The following PITX3 variants were observed in gnomAD, a reference collection of about 807,000 sequenced individuals.
PITX3 encodes paired like homeodomain 3, also known as pituitary homeobox 3.
A neutral mutation model predicts 14.2 loss-of-function variants in PITX3; 4 were observed. The observed-to-expected ratio is 0.28, with a 90% CI of 0.14 to 0.65. PITX3 has a LOEUF of 0.65. Among genes scored for constraint, PITX3 ranks in the 30% least tolerant of loss-of-function variants. PITX3 has a pLI of 0.82. For synonymous variants in PITX3, 194 were observed against 204.5 expected, an observed-to-expected ratio of 0.95 and a Z score of 0.44; for missense variants, 358 against 426.8, an observed-to-expected ratio of 0.84 and a Z score of 1.42.
intron 1 of PITX3, among the ~76,000 whole-genome samples, chr10:102,232,362 G>A (rs1386834219): frequency 6.6e-6 from 1 of 152,106 alleles, no homozygotes; most frequent in African/African-American, 2.4e-5. Context: ...ATACAGTTGG[G>A]GTTCAATATT....
chr10:102,237,900 T>C (rs2070441992), intron 1 of PITX3, among the ~76,000 whole-genome samples: 1 of 151,202 alleles, frequency 6.6e-6, no homozygotes, highest in South Asian at 2.1e-4. Context: ...CACCCCACTA[T>C]GAGAAGCAAT....
At chr10:102,238,996 C>T (rs192094807) in intron 1 of PITX3, among the ~76,000 whole-genome samples, 1 of 152,226 alleles carries the variant, frequency 6.6e-6, no homozygotes, top group Non-Finnish European at 1.5e-5. Flanking sequence ...GCTTGCATCA[C>T]TCCAGTTCTA....
Position 102,230,612 on chromosome 10 carries a change from C to T in PITX3, c.811G>A (p.Ala271Thr). ...TAGCTGAAGGAGGCGTGCTGTTTGGCTTTGAGCCGCAGGCTGGCCAGGCTC... is the reference window on the plus strand; with the variant it reads ...TAGCTGAAGGAGGCGTGCTGTTTGGTTTTGAGCCGCAGGCTGGCCAGGCTC... ...NSSLASLRLK[A>T]KQHASFSYPA... The change falls in exon 4 of 4, where the codon GCC becomes ACC. Residue 271 changes from alanine to threonine, a missense_variant. Transcript: ENST00000370002. 1 of 1,610,362 alleles carries T rather than the reference C, an allele frequency of 6.2e-7. No homozygotes were observed. Among genetic ancestry groups the T allele is most frequent in the South Asian group, 1.1e-5 (1 of 90,268 alleles).
Position 102,230,775 on chromosome 10 carries a change from C to T in PITX3, c.648G>A (p.Gln216=), listed in dbSNP as rs768745657. The stretch of plus-strand genomic sequence containing the variant: ...GCCCGGGGGGGCCCCCGCCCAGGCC[C>T]TGCAGGGCCCCAGGCCCTGGCACGG... ...PGTVPGPGAL[Q]GLGGGPPGLA... is the part of the protein sequence containing the mutation. The change falls in exon 4 of 4, where the codon CAG becomes CAA. Residue 216 remains glutamine, a synonymous_variant. Transcript: ENST00000370002. The T allele has an allele frequency of 2.0e-6, 3 of 1,536,314 alleles. No individual in the cohort carries two copies. Among genetic ancestry groups the T allele is most frequent in the Non-Finnish European group, 2.6e-6 (3 of 1,141,130 alleles).
chr10:102,235,547 CT>C, intron 1 of PITX3, among the ~76,000 whole-genome samples: 2 of 152,270 alleles, frequency 1.3e-5, no homozygotes, highest in Non-Finnish European at 2.9e-5. Flanking sequence ...CCCTACTTGC[CT>C]TCAGTGTTGT....
intron 1 of PITX3, among the ~76,000 whole-genome samples, chr10:102,236,406 C>T (rs990414785): frequency 1.3e-5 from 2 of 152,232 alleles, no homozygotes; most frequent in African/African-American, 4.8e-5. Flanking sequence ...CGGCCCCACC[C>T]CTAGACTTTT....
At chr10:102,231,383 G>A (rs1421089349) in intron 3 of PITX3, among the ~76,000 whole-genome samples, 1 of 152,178 alleles carries the variant, frequency 6.6e-6, no homozygotes, top group Non-Finnish European at 1.5e-5. Flanking sequence ...GGCCGAAGAA[G>A]CGCGCGGTCC....
intron 3 of PITX3, 34 bp from the exon 4 acceptor site, chr10:102,231,135 G>C: frequency 6.7e-6 from 10 of 1,485,544 alleles, no homozygotes; most frequent in Non-Finnish European, 8.9e-6. Flanking sequence ...TCAGGGCCCG[G>C]GGCCGGGTCC....
Position 102,230,675 on chromosome 10 carries a change from C to T in PITX3, c.748G>A (p.Ala250Thr), listed in dbSNP as rs773283279. Residue 250 changes from alanine (A) to threonine (T), a missense_variant, in exon 4 of 4, where the codon GCC (alanine) becomes ACC (threonine). Physicochemically the swap from Ala to Thr is moderately conservative, Grantham distance 58. Coordinates refer to ENST00000370002, the MANE Select transcript of PITX3 (RefSeq NM_005029.4). ...ASAAAAAAAA[A>T]SSPYVYRDPC... ...TCCCGATAGACGTAGGGGGAAGAGGCGGCAGCCGCGGCGGCGGCGGCGGCC... is the reference window on the plus strand; with the variant it reads ...TCCCGATAGACGTAGGGGGAAGAGGTGGCAGCCGCGGCGGCGGCGGCGGCC... 4 of 1,581,558 alleles carry T rather than the reference C, an allele frequency of 2.5e-6. No individual in the cohort carries two copies. The highest frequency in any genetic ancestry group is 2.3e-5 in the East Asian group (1 of 43,122).
At chr10:102,235,193 T>G (rs1212873841) in intron 1 of PITX3, among the ~76,000 whole-genome samples, 1 of 57,300 alleles carries the variant, frequency 1.7e-5, no homozygotes. Flanking sequence ...CCCCACCGCC[T>G]CCCTGGCCCC....
intron 1 of PITX3, among the ~76,000 whole-genome samples, chr10:102,238,186 T>A (rs895874985): frequency 6.6e-6 from 1 of 152,064 alleles, no homozygotes; most frequent in African/African-American, 2.4e-5. Flanking sequence ...TTTTCATGAG[T>A]CCCTGGCAGT....
chr10:102,240,388 AC>A (rs1234982619), intron 1 of PITX3, among the ~76,000 whole-genome samples: 1 of 152,186 alleles, frequency 6.6e-6, no homozygotes, highest in Non-Finnish European at 1.5e-5. Flanking sequence ...AGCCCACCTC[AC>A]CCCAAGGCCA....
rs1196876682 is a variant in PITX3 at position 102,230,231 on chromosome 10, GGAGGGGAAGCC to G, written c.*272_*282del. 4 of 449,096 alleles carry G rather than the reference GGAGGGGAAGCC, an allele frequency of 8.9e-6. No individual in the cohort carries two copies. The highest frequency in any genetic ancestry group is 1.6e-5 in the Non-Finnish European group (4 of 252,790). The allele number at this position is 449,096 out of a possible 1,614,324, so 27.8% of individuals were successfully genotyped here. On this transcript the variant is annotated 3_prime_UTR_variant, in exon 4 of 4. Coordinates refer to ENST00000370002, the MANE Select transcript of PITX3 (RefSeq NM_005029.4). ...TATTTCATTTATCTTTGAAAACGAGGGAGGGGAAGCCTGGAGAAGGCGGGATGGGCCAAGGG... is the reference window on the plus strand; with the variant it reads ...TATTTCATTTATCTTTGAAAACGAGGTGGAGAAGGCGGGATGGGCCAAGGG...
At chr10:102,235,620 T>C (rs1235087463) in intron 1 of PITX3, among the ~76,000 whole-genome samples, 3 of 152,086 alleles carry the variant, frequency 2.0e-5, no homozygotes, top group African/African-American at 4.8e-5. Context: ...TCTACCTGAG[T>C]AGTTTTTTTT....
chr10:102,232,845 A>G (rs1386924894), intron 1 of PITX3, among the ~76,000 whole-genome samples: 1 of 152,158 alleles, frequency 6.6e-6, no homozygotes, highest in African/African-American at 2.4e-5. Flanking sequence ...TCTGTTACCC[A>G]TTCTCCTTAG....
At chr10:102,235,789 C>T (rs2070378608) in intron 1 of PITX3, among the ~76,000 whole-genome samples, 1 of 152,156 alleles carries the variant, frequency 6.6e-6, no homozygotes, top group Non-Finnish European at 1.5e-5. Context: ...AAGTGTTTCC[C>T]TGGTGAATGA....
chr10:102,235,165 T>TC (rs2070351968), intron 1 of PITX3, among the ~76,000 whole-genome samples: 6 of 67,280 alleles, frequency 8.9e-5, no homozygotes, highest in African/African-American at 3.4e-4. Context: ...ATTATTACCC[T>TC]TCCCCCACCC....
chr10:102,234,549 A>G (rs2070335074), intron 1 of PITX3, among the ~76,000 whole-genome samples: 1 of 152,170 alleles, frequency 6.6e-6, no homozygotes, highest in African/African-American at 2.4e-5. Context: ...GTCCCTGAGA[A>G]GGAACTATGG....
Position 102,241,237 on chromosome 10 carries a change from G to A in PITX3, c.-13+96C>T, listed in dbSNP as rs1029624003. On this transcript the variant is annotated intron_variant, in intron 1 of 3. Transcript: ENST00000370002. This position sits in a 1 kb window ranked among gnomAD's most constrained non-coding sequence, Gnocchi z 6.7. ...CTCGACCTGTTCCCAAGGCACCGGA[G>A]TTCAGCTGCCCCAGGTCTCGTTTTA... The A allele has an allele frequency of 1.3e-5, 2 of 152,974 alleles. No homozygotes were observed. Among genetic ancestry groups the A allele is most frequent in the Non-Finnish European group, 2.9e-5 (2 of 68,632 alleles). 9.5% of individuals were successfully genotyped at this position (152,974 alleles called of 1,614,324 possible). A position where few individuals can be genotyped will look rare whatever the true frequency, so the allele number is the denominator to read the frequency against.
Sources: gnomAD v4.1 joint callset for allele counts (sites outside exome capture counted in the v4.1 genomes callset) on GRCh38, gnomAD v4.1.1 for gene constraint, Gnocchi (gnomAD v3.1) non-coding constraint, MANE v1.5 for transcripts, NCBI Gene and HGNC (gene_info 2026-07-23, HGNC 2026-07-21) for gene names.